The following RAD51B variants were observed in gnomAD, a reference collection of about 807,000 sequenced individuals.
The protein encoded by RAD51B is RAD51 paralog B.
A neutral mutation model predicts 42.2 loss-of-function variants in RAD51B; 38 were observed. The observed-to-expected ratio is 0.90, with a 90% CI of 0.70 to 1.18. The LOEUF (loss-of-function observed/expected upper bound fraction) is 1.18, where lower values mean the gene tolerates loss of function less well. Ranked by LOEUF, RAD51B falls within the 50% of genes most tolerant of loss-of-function variation. RAD51B has a pLI of 0.00. For missense variants in RAD51B, 373 were observed against 400.7 expected (o/e 0.93, Z 0.59); for synonymous variants, 154 against 145.2 (o/e 1.06, Z -0.43).
downstream of RAD51B, among the ~76,000 whole-genome samples, chr14:68,597,700 T>G (rs1891058549): frequency 6.6e-6 from 1 of 151,950 alleles, no homozygotes. Context: ...GGTACTGGGC[T>G]TAATACCTGG....
At chr14:67,976,824 AG>A (rs1448381512) in intron 7 of RAD51B, among the ~76,000 whole-genome samples, 1 of 152,238 alleles carries the variant, frequency 6.6e-6, no homozygotes, top group Admixed American at 6.5e-5. Flanking sequence ...CATCTGACAG[AG>A]GGCTAATATC....
chr14:67,883,577 G>T (rs2042980499), intron 5 of RAD51B, among the ~76,000 whole-genome samples: 1 of 151,976 alleles, frequency 6.6e-6, no homozygotes, highest in Non-Finnish European at 1.5e-5. Flanking sequence ...TTAAGCTTTT[G>T]CTCAAATGTC....
intron 3 of RAD51B, among the ~76,000 whole-genome samples, chr14:67,829,676 C>T (rs1309507582): frequency 6.6e-6 from 1 of 152,032 alleles, no homozygotes; most frequent in Non-Finnish European, 1.5e-5. Flanking sequence ...TTTATTCAGT[C>T]ATTTATTCTT....
chr14:68,272,635 TTATATATATATATATA>T (rs1196934518), intron 7 of RAD51B, among the ~76,000 whole-genome samples: 16 of 19,850 alleles, frequency 8.1e-4, no homozygotes, highest in Admixed American at 3.9e-3. Flanking sequence ...TATAAACACT[TTATATATATATATATA>T]TATATATATA....
chr14:68,141,828 A>C (rs946900490), intron 7 of RAD51B, among the ~76,000 whole-genome samples: 1 of 152,092 alleles, frequency 6.6e-6, no homozygotes, highest in Admixed American at 6.5e-5. Flanking sequence ...AACCTGCCTA[A>C]CTCATGTTTA....
intron 7 of RAD51B, among the ~76,000 whole-genome samples, chr14:68,031,589 G>A (rs536881135): frequency 7.3e-4 from 111 of 152,258 alleles, no homozygotes; most frequent in African/African-American, 2.5e-3. Context: ...AAATACCAGA[G>A]AGGCTGGGGT....
intron 7 of RAD51B, among the ~76,000 whole-genome samples, chr14:67,891,960 G>A (rs942084230): frequency 6.6e-6 from 1 of 152,114 alleles, no homozygotes; most frequent in South Asian, 2.1e-4. Flanking sequence ...TGTAAAGTAG[G>A]AATCCTAGAC....
chr14:68,065,920 T>C (rs2076642521), intron 7 of RAD51B, among the ~76,000 whole-genome samples: 1 of 152,144 alleles, frequency 6.6e-6, no homozygotes, highest in South Asian at 2.1e-4. Context: ...TTTACTGGAA[T>C]GTAATTTGGT....
At chr14:68,327,183 T>C (rs2082266288) in intron 8 of RAD51B, among the ~76,000 whole-genome samples, 1 of 152,180 alleles carries the variant, frequency 6.6e-6, no homozygotes, top group South Asian at 2.1e-4. Context: ...TTTAGAAAAC[T>C]AAAATTTTAA....
intron 7 of RAD51B, among the ~76,000 whole-genome samples, chr14:68,215,162 T>G (rs2079787891): frequency 6.6e-6 from 1 of 152,204 alleles, no homozygotes; most frequent in Non-Finnish European, 1.5e-5. Context: ...ATATGGCCTT[T>G]TATATTTTAC....
intron 7 of RAD51B, among the ~76,000 whole-genome samples, chr14:68,043,437 GA>G (rs1335434448): frequency 1.3e-5 from 2 of 152,138 alleles, no homozygotes; most frequent in African/African-American, 4.8e-5. Flanking sequence ...TGCCATTTTG[GA>G]AAAGATATCT....
At chr14:68,408,467 T>C (rs1331396710) in intron 8 of RAD51B, among the ~76,000 whole-genome samples, 1 of 152,218 alleles carries the variant, frequency 6.6e-6, no homozygotes, top group Non-Finnish European at 1.5e-5. Context: ...AGCCAAAGGT[T>C]GCGACAAAGG....
intron 7 of RAD51B, among the ~76,000 whole-genome samples, chr14:68,048,239 C>G (rs1248126206): frequency 1.3e-5 from 2 of 152,164 alleles, no homozygotes; most frequent in African/African-American, 4.8e-5. Flanking sequence ...TAAATGTCTT[C>G]TTTTGAGAAA....
At chr14:68,602,522 CTAGA>C (rs71129899) in intron 10 of RAD51B, among the ~76,000 whole-genome samples, 29 of 129,886 alleles carry the variant, frequency 2.2e-4, no homozygotes, top group East Asian at 6.1e-4. Context: ...AGATAGCTAG[CTAGA>C]TAGATAGATA....
chr14:68,157,309 C>A (rs970903595), intron 7 of RAD51B, among the ~76,000 whole-genome samples: 3 of 152,268 alleles, frequency 2.0e-5, no homozygotes, highest in South Asian at 2.1e-4. Context: ...TCACTTAATA[C>A]AAGGGCTTCT....
chr14:67,872,993 AAAACCTAGG>A (rs2042594819), intron 5 of RAD51B, among the ~76,000 whole-genome samples: 1 of 152,252 alleles, frequency 6.6e-6, no homozygotes, highest in Non-Finnish European at 1.5e-5. Context: ...ACCCTAGAAG[AAAACCTAGG>A]CATTACCATT....
At position 68,670,133 on chromosome 14, in the gene RAD51B, C is replaced by T. The variant is rs140007976; in HGVS notation, c.*11+19277C>T. Reference sequence around the variant, plus strand: ...TTGAGGGCTCTTGCTCATAAACAGCCACTATGTTATTGTAACTTCCACAGA... The same window carrying T: ...TTGAGGGCTCTTGCTCATAAACAGCTACTATGTTATTGTAACTTCCACAGA... On this transcript the variant is annotated intron_variant, in intron 11 of 11. Coordinates refer to the RAD51B transcript ENST00000488612. 2.2e-3 allele frequency among the ~76,000 whole-genome samples: 339 copies of T among 152,340 alleles called. 1 individual carries two copies. The highest frequency in any genetic ancestry group is 3.0e-3 in the Non-Finnish European group (203 of 68,030).
intron 7 of RAD51B, among the ~76,000 whole-genome samples, chr14:67,895,793 G>C (rs1033686): frequency 1.3e-5 from 2 of 151,788 alleles, no homozygotes; most frequent in Non-Finnish European, 2.9e-5. Context: ...CTTCTGTGCA[G>C]GCTGCTGGTA....
intron 7 of RAD51B, among the ~76,000 whole-genome samples, chr14:68,259,471 A>G (rs2080833046): frequency 6.6e-6 from 1 of 152,200 alleles, no homozygotes; most frequent in Non-Finnish European, 1.5e-5. Flanking sequence ...ATAAAAATAA[A>G]TAAACATAAA....
Sources: gnomAD v4.1 joint callset for allele counts (sites outside exome capture counted in the v4.1 genomes callset) on GRCh38, gnomAD v4.1.1 for gene constraint, MANE v1.5 for transcripts, NCBI Gene and HGNC (gene_info 2026-07-23, HGNC 2026-07-21) for gene names.